Variants in HORMAD1 observed in about 807,000 individuals in gnomAD.
The protein encoded by HORMAD1 is HORMA domain containing 1, also known as HORMA domain-containing protein 1.
HORMAD1 carries 33 observed loss-of-function variants against 58.2 expected under a neutral mutation model. That is an observed-to-expected ratio of 0.57 (90% CI 0.43 to 0.76). The LOEUF (loss-of-function observed/expected upper bound fraction) is 0.76. HORMAD1 is among the 30% of genes least tolerant of loss of function. The probability of loss-of-function intolerance (pLI) is 0.00; values close to 1 mark genes in which losing one functional copy is unlikely to be tolerated. For missense variants in HORMAD1, 363 were observed against 462.0 expected, an observed-to-expected ratio of 0.79 and a Z score of 1.96; for synonymous variants, 137 against 144.6, an observed-to-expected ratio of 0.95 and a Z score of 0.38.
intron 1 of HORMAD1, among the ~76,000 whole-genome samples, chr1:150,719,794 G>A (rs1571080816): frequency 6.6e-6 from 1 of 152,138 alleles, no homozygotes; most frequent in African/African-American, 2.4e-5. Flanking sequence ...TTTTAAAAAG[G>A]CACAATCTTC....
intron 14 of HORMAD1, 117 bp from the exon 15 acceptor site, chr1:150,698,851 T>C: frequency 1.7e-6 from 1 of 589,544 alleles, no homozygotes; most frequent in South Asian, 2.5e-5. Flanking sequence ...ATGCCTAGCA[T>C]ACCTAGCATA....
At chr1:150,699,026 C>A in intron 14 of HORMAD1, 1 of 218,646 alleles carries the variant, frequency 4.6e-6, no homozygotes, top group Non-Finnish European at 9.0e-6. Flanking sequence ...TATTTCAGAG[C>A]AATAAGAAGG....
Position 150,703,420 on chromosome 1 carries a change from T to C in HORMAD1, c.949-27A>G, listed in dbSNP as rs587697466. The C allele has an allele frequency of 1.1e-5, 13 of 1,216,280 alleles. No homozygotes were observed. In the South Asian group the frequency reaches 1.5e-4, roughly 14 times the overall value. 75.3% of individuals were successfully genotyped at this position (1,216,280 alleles called of 1,614,324 possible). ...TAAAAAAGAAAATAATTACAAAAAATATAACTTAGTATAATAAAACCTTTT... is the reference window on the plus strand; with the variant it reads ...TAAAAAAGAAAATAATTACAAAAAACATAACTTAGTATAATAAAACCTTTT... On this transcript the variant is annotated intron_variant, in intron 12 of 14. Transcript: ENST00000361824.
At chr1:150,699,448 T>C (rs1257994777) in intron 14 of HORMAD1, among the ~76,000 whole-genome samples, 3 of 152,162 alleles carry the variant, frequency 2.0e-5, no homozygotes, top group Non-Finnish European at 2.9e-5. Flanking sequence ...CAATTTCAGT[T>C]CTATATAAAC....
chr1:150,717,100 C>T lies in HORMAD1; in HGVS notation c.178+38G>A, dbSNP rs764601021. 32 of 1,314,736 alleles carry T rather than the reference C, an allele frequency of 2.4e-5. No individual in the cohort carries two copies. In the African/African-American group the frequency reaches 4.1e-4, roughly 17 times the overall value. The allele number at this position is 1,314,736 out of a possible 1,614,324, so 81.4% of individuals were successfully genotyped here. On this transcript the variant is annotated intron_variant, in intron 3 of 14. Transcript: ENST00000361824. ...TTGGAGCAAGCAAAAATAAAAATAC[C>T]ATTTTAAAAGAAAGCTTTAAAATAA...
intron 9 of HORMAD1, 52 bp downstream of exon 9, chr1:150,708,204 A>G: frequency 1.5e-6 from 2 of 1,348,960 alleles, no homozygotes; most frequent in Non-Finnish European, 2.0e-6. Context: ...AATTGTTTCA[A>G]TAATGATAAA....
At position 150,703,393 on chromosome 1, in the gene HORMAD1, C is replaced by A. The variant is rs372891268; in HGVS notation, c.949G>T (p.Val317Phe). ...SPDLSISHSQ[V>F]EQLVNKTSEL... ...GATGTTTTATTGACTAACTGCTCAA[C>A]CTAAAAAAGAAAATAATTACAAAAA... The change falls in exon 13 of 15, where the codon GTT becomes TTT. Residue 317 changes from valine (V) to phenylalanine (F), a missense_variant and splice_region_variant. Coordinates refer to ENST00000361824, the MANE Select transcript of HORMAD1 (RefSeq NM_032132.5). 6.6e-7 allele frequency: 1 copy of A among 1,510,938 alleles called. No individual in the cohort carries two copies. Among genetic ancestry groups the A allele is most frequent in the Non-Finnish European group, 9.1e-7 (1 of 1,104,460 alleles). 93.6% of individuals were successfully genotyped at this position (1,510,938 alleles called of 1,614,324 possible). A position where few individuals can be genotyped will look rare whatever the true frequency, so the allele number is the denominator to read the frequency against.
intron 5 of HORMAD1, 192 bp downstream of exon 5, chr1:150,713,893 G>T (rs1265519214): frequency 1.7e-6 from 1 of 575,048 alleles, no homozygotes; most frequent in Non-Finnish European, 3.1e-6. Flanking sequence ...AATTTGTTTA[G>T]TGTTAATTCC....
chr1:150,703,663 T>G (rs905612000), intron 12 of HORMAD1, among the ~76,000 whole-genome samples: 1 of 152,200 alleles, frequency 6.6e-6, no homozygotes, highest in African/African-American at 2.4e-5. Context: ...TTTAGTCTAC[T>G]TATTTGAGAA....
Position 150,720,870 on chromosome 1 carries a change from C to G in HORMAD1, c.-100G>C, listed in dbSNP as rs1002751568. 6.6e-6 allele frequency: 1 copy of G among 152,260 alleles called. No individual in the cohort carries two copies. The highest frequency in any genetic ancestry group is 1.9e-4 in the East Asian group (1 of 5,196). 9.4% of individuals were successfully genotyped at this position (152,260 alleles called of 1,614,324 possible). On this transcript the variant is annotated 5_prime_UTR_variant, in exon 1 of 15. Transcript: ENST00000361824. ...ACGAGGCTGCACGCGCTGTGCCCGACGCGCATGCGCTTTCCTTCAACGGTC... is the reference window on the plus strand; with the variant it reads ...ACGAGGCTGCACGCGCTGTGCCCGAGGCGCATGCGCTTTCCTTCAACGGTC...
intron 5 of HORMAD1, 80 bp downstream of exon 5, chr1:150,714,005 T>C: frequency 1.1e-6 from 1 of 911,232 alleles, no homozygotes; most frequent in Non-Finnish European, 1.8e-6. Context: ...CAAATGAATG[T>C]TTTACTACAT....
intron 13 of HORMAD1, among the ~76,000 whole-genome samples, chr1:150,700,661 A>C (rs1268180791): frequency 6.6e-6 from 1 of 152,134 alleles, no homozygotes; most frequent in Admixed American, 6.6e-5. Flanking sequence ...CACCAGCCTT[A>C]AGACTGTCTC....
At chr1:150,711,973 A>G in intron 5 of HORMAD1, 120 bp from the exon 6 acceptor site, 1 of 714,552 alleles carries the variant, frequency 1.4e-6, no homozygotes, top group Non-Finnish European at 2.4e-6. Context: ...TAATCATTGC[A>G]GATCTTGACT....
intron 13 of HORMAD1, among the ~76,000 whole-genome samples, chr1:150,702,672 C>T (rs1226433716): frequency 6.6e-6 from 1 of 152,124 alleles, no homozygotes; most frequent in Non-Finnish European, 1.5e-5. Context: ...CATGTTCTCA[C>T]TTATAAGTGG....
intron 5 of HORMAD1, 194 bp downstream of exon 5, chr1:150,713,891 T>G (rs1176377973): frequency 1.1e-5 from 6 of 564,822 alleles, no homozygotes; most frequent in Admixed American, 7.4e-5. Context: ...AAAATTTGTT[T>G]AGTGTTAATT....
In HORMAD1 at chr1:150,719,478, G is replaced by A. The variant is rs184846586; in HGVS notation, c.28C>T (p.Pro10Ser). 258 of 1,573,998 alleles carry A rather than the reference G, an allele frequency of 1.6e-4. 2 individuals carry two copies. In the Admixed American group the frequency reaches 3.9e-3, roughly 24 times the overall value. The change falls in exon 2 of 15, where the codon CCC becomes TCC. Residue 10 changes from proline to serine, a missense_variant. Around this residue, in one of 3 missense-constraint regions of HORMAD1, gnomAD observed 128 missense variants for 171.8 expected, o/e 0.74. Coordinates refer to ENST00000361824, the MANE Select transcript of HORMAD1 (RefSeq NM_032132.5). MATAQLQRT[P>S]MSALVFPNKI... is the part of the protein sequence containing the mutation. ...CAAAATACAAGAAATCATACCATGG[G>A]AGTCCTCTGCAACTGGGCAGTGGCC...
At chr1:150,700,080 G>A (rs780258507) in intron 14 of HORMAD1, 32 bp downstream of exon 14, 1 of 993,490 alleles carries the variant, frequency 1.0e-6, no homozygotes, top group Non-Finnish European at 1.6e-6. Context: ...CCTTCCCATT[G>A]TATTCAAACT....
At chr1:150,706,446 T>C (rs1320513674) in intron 10 of HORMAD1, 107 bp downstream of exon 10, 2 of 1,011,230 alleles carry the variant, frequency 2.0e-6, no homozygotes, top group African/African-American at 1.6e-5. Flanking sequence ...GAGTTTATGA[T>C]TATAATACAG....
At chr1:150,706,864 T>A (rs773374274) in intron 9 of HORMAD1, 55 bp from the exon 10 acceptor site, 14 of 1,416,476 alleles carry the variant, frequency 9.9e-6, no homozygotes, top group African/African-American at 1.5e-5. Flanking sequence ...AAAATATAAT[T>A]ATTATTATAA....
Sources: allele counts gnomAD v4.1 joint callset (sites outside exome capture counted in the v4.1 genomes callset), GRCh38; gene constraint gnomAD v4.1.1; regional missense constraint gnomAD v4.1.1; transcripts MANE v1.5; gene names NCBI Gene and HGNC (gene_info 2026-07-23, HGNC 2026-07-21).